FREM2: variants seen among roughly 807,000 people sequenced by gnomAD.
FREM2 encodes FRAS1 related extracellular matrix 2, also known as FRAS1-related extracellular matrix protein 2.
A neutral mutation model predicts 219.9 loss-of-function variants in FREM2; 119 were observed. The observed-to-expected ratio is 0.54, with a 90% CI of 0.47 to 0.63. The LOEUF (loss-of-function observed/expected upper bound fraction) is 0.63. FREM2 is among the 30% of genes least tolerant of loss of function. The pLI, the probability that FREM2 is intolerant of heterozygous loss-of-function variation, is 0.00. For missense variants in FREM2, 4,030 were observed against 3,993.6 expected (o/e 1.01, Z -0.25); for synonymous variants, 1,562 against 1,522.8 (o/e 1.03, Z -0.60).
chr13:38,687,590 T>C lies in FREM2; in HGVS notation c.246T>C (p.Pro82=), dbSNP rs1394012840. The C allele has an allele frequency of 2.5e-6, 4 of 1,607,810 alleles. No homozygotes were observed. The highest frequency in any genetic ancestry group is 3.4e-6 in the Non-Finnish European group (4 of 1,177,216). ...IVLANRGLRV[P]FGREVWLDPL... is the part of the protein sequence containing the mutation. Reference sequence around the variant, plus strand: ...TGGCGAACCGCGGACTCCGGGTGCCTTTCGGCCGTGAAGTCTGGCTGGATC... The same window carrying C: ...TGGCGAACCGCGGACTCCGGGTGCCCTTCGGCCGTGAAGTCTGGCTGGATC... Residue 82 remains proline (P), a synonymous_variant, in exon 1 of 24, where the codon CCT becomes CCC. Coordinates refer to ENST00000280481, the MANE Select transcript of FREM2 (RefSeq NM_207361.6).
chr13:38,858,525 T>G (rs1211825760), intron 13 of FREM2, among the ~76,000 whole-genome samples: 1 of 152,190 alleles, frequency 6.6e-6, no homozygotes, highest in Non-Finnish European at 1.5e-5. Flanking sequence ...GAGCTACAGC[T>G]AGAAAAAAAT....
At chr13:38,797,742 C>T (rs9532279) in intron 6 of FREM2, among the ~76,000 whole-genome samples, 152,054 of 152,202 alleles carry the variant, frequency 1, 75,954 homozygotes, top group Non-Finnish European at 1. Flanking sequence ...CATAGTAGTT[C>T]TTAGTTTTTA....
intron 2 of FREM2, among the ~76,000 whole-genome samples, chr13:38,719,086 G>C (rs1283075138): frequency 6.6e-6 from 1 of 152,138 alleles, no homozygotes; most frequent in Non-Finnish European, 1.5e-5. Context: ...GTTAAGTCAG[G>C]GTGTAGTCAG....
At chr13:38,733,537 C>T (rs769854285) in intron 2 of FREM2, among the ~76,000 whole-genome samples, 20 of 152,006 alleles carry the variant, frequency 1.3e-4, no homozygotes, top group Non-Finnish European at 2.6e-4. Flanking sequence ...TCAGTAACCA[C>T]TAATGGAATG....
At chr13:38,879,087 C>A in intron 23 of FREM2, 110 bp downstream of exon 23, 1 of 1,031,948 alleles carries the variant, frequency 9.7e-7, no homozygotes, top group Non-Finnish European at 1.5e-6. Flanking sequence ...AGTAATATTG[C>A]ATACAGTTAA....
chr13:38,715,394 C>G (rs780453716), intron 2 of FREM2, among the ~76,000 whole-genome samples: 1 of 152,160 alleles, frequency 6.6e-6, no homozygotes, highest in Non-Finnish European at 1.5e-5. Flanking sequence ...AAAGTGGACT[C>G]TCTCCCCAGA....
intron 6 of FREM2, among the ~76,000 whole-genome samples, chr13:38,805,256 G>A (rs147214240): frequency 1.7e-3 from 259 of 151,452 alleles, no homozygotes; most frequent in African/African-American, 6.0e-3. Context: ...GTAAGGAGGT[G>A]AGGCTAGAAA....
At chr13:38,718,916 T>G (rs1254221634) in intron 2 of FREM2, among the ~76,000 whole-genome samples, 1 of 152,244 alleles carries the variant, frequency 6.6e-6, no homozygotes, top group Non-Finnish European at 1.5e-5. Context: ...ATTCTCATTT[T>G]ACTTAGGAAG....
rs756086662 is a variant in FREM2 at position 38,691,850 on chromosome 13, G to A, written c.4506G>A (p.Val1502=). The A allele has an allele frequency of 1.2e-6, 2 of 1,614,104 alleles. No individual in the cohort carries two copies. Among genetic ancestry groups the A allele is most frequent in the African/African-American group, 1.3e-5 (1 of 75,046 alleles). The part of the protein sequence containing the change: ...IYYIHTADDE[V]KMDSFEFQVT... The stretch of plus-strand genomic sequence containing the variant: ...ACATCCACACAGCTGATGATGAAGT[G>A]AAAATGGACAGTTTTGAGTTTCAAG... Residue 1502 remains valine, a synonymous_variant, in exon 1 of 24, where the codon GTG becomes GTA. Transcript: ENST00000280481.
At chr13:38,740,567 A>G (rs1160640525) in intron 2 of FREM2, among the ~76,000 whole-genome samples, 1 of 152,304 alleles carries the variant, frequency 6.6e-6, no homozygotes, top group East Asian at 1.9e-4. Flanking sequence ...ATTATTTGCA[A>G]TCATTATTCC....
At chr13:38,711,960 C>T (rs1221461896) in intron 2 of FREM2, among the ~76,000 whole-genome samples, 3 of 136,534 alleles carry the variant, frequency 2.2e-5, no homozygotes, top group Non-Finnish European at 3.0e-5. Context: ...CGCTCTGTTG[C>T]CCAGGCTGGA....
chr13:38,839,376 C>T (rs1441865663), intron 6 of FREM2, among the ~76,000 whole-genome samples: 1 of 152,208 alleles, frequency 6.6e-6, no homozygotes, highest in African/African-American at 2.4e-5. Context: ...AGCCAGAGCT[C>T]TCCAGTATGA....
At chr13:38,836,517 T>A (rs1876713952) in intron 6 of FREM2, among the ~76,000 whole-genome samples, 1 of 152,224 alleles carries the variant, frequency 6.6e-6, no homozygotes, top group Non-Finnish European at 1.5e-5. Context: ...TCAGAAGGAA[T>A]GGTACCAGCT....
rs570053003 is a variant in FREM2, at chr13:38,880,180, A to G, written c.9007-104A>G. On this transcript the variant is annotated intron_variant, in intron 23 of 23. Transcript: ENST00000280481. ...TAAGTAAGTTAATTCTGCAGACTAA[A>G]ATCATTTATTAATATCTCTGCCATT... 5.7e-6 allele frequency: 7 copies of G among 1,230,314 alleles called. No individual in the cohort carries two copies. In the African/African-American group the frequency reaches 1.0e-4, roughly 18 times the overall value. 76.2% of individuals were successfully genotyped at this position (1,230,314 alleles called of 1,614,324 possible). A position where few individuals can be genotyped will look rare whatever the true frequency, so the allele number is the denominator to read the frequency against.
chr13:38,879,886 G>C (rs893191367), intron 23 of FREM2, among the ~76,000 whole-genome samples: 2 of 152,184 alleles, frequency 1.3e-5, no homozygotes, highest in African/African-American at 4.8e-5. Context: ...ACAGTGAAAA[G>C]AGTCCTGGGG....
At chr13:38,861,930 G>T (rs577943343) in intron 15 of FREM2, among the ~76,000 whole-genome samples, 5 of 152,184 alleles carry the variant, frequency 3.3e-5, no homozygotes, top group Admixed American at 1.3e-4. Flanking sequence ...TTTTATAGCT[G>T]GAGTTTTATG....
At chr13:38,733,482 G>T (rs1871852285) in intron 2 of FREM2, among the ~76,000 whole-genome samples, 1 of 151,996 alleles carries the variant, frequency 6.6e-6, no homozygotes, top group Non-Finnish European at 1.5e-5. Flanking sequence ...ATTTTCTATT[G>T]TATTCCTTTG....
At chr13:38,843,605 C>T (rs1019954383) in intron 6 of FREM2, among the ~76,000 whole-genome samples, 1 of 152,148 alleles carries the variant, frequency 6.6e-6, no homozygotes, top group Non-Finnish European at 1.5e-5. Flanking sequence ...CTTTAGTACT[C>T]ATTAAAATGT....
intron 6 of FREM2, among the ~76,000 whole-genome samples, chr13:38,814,876 G>A (rs1357952327): frequency 2.6e-5 from 4 of 152,132 alleles, no homozygotes; most frequent in Admixed American, 2.6e-4. Flanking sequence ...GCTCTACTAG[G>A]CCACCACCAA....
Sources: gnomAD v4.1 joint callset for allele counts (sites outside exome capture counted in the v4.1 genomes callset) on GRCh38, gnomAD v4.1.1 for gene constraint, MANE v1.5 for transcripts, NCBI Gene and HGNC (gene_info 2026-07-23, HGNC 2026-07-21) for gene names.